The following PCDH9 variants were observed in gnomAD, a reference collection of about 807,000 sequenced individuals.
PCDH9 encodes the protein protocadherin 9.
Under a neutral mutation model 70.6 loss-of-function variants are expected in PCDH9, and 24 were observed. That is an observed-to-expected ratio of 0.34 (90% confidence interval 0.25 to 0.48). PCDH9 has a LOEUF of 0.48. Ranked by LOEUF, PCDH9 falls within the 20% of genes least tolerant of loss-of-function variation. PCDH9 has a pLI of 0.99. For missense variants in PCDH9, 1,281 were observed against 1,503.6 expected, an observed-to-expected ratio of 0.85 and a Z score of 2.45; for synonymous variants, 562 against 558.5, an observed-to-expected ratio of 1.01 and a Z score of -0.09.
intron 3 of PCDH9, among the ~76,000 whole-genome samples, chr13:66,799,261 T>C (rs1254039043): frequency 1.3e-5 from 2 of 152,170 alleles, no homozygotes; most frequent in South Asian, 4.1e-4. Context: ...AGATAGTCTA[T>C]GCGGTCAAGT....
intron 2 of PCDH9, among the ~76,000 whole-genome samples, chr13:67,077,566 C>T (rs560530299): frequency 6.6e-5 from 10 of 152,136 alleles, no homozygotes; most frequent in African/African-American, 2.4e-4. Context: ...CTTTGTATCA[C>T]TGATGTTTAG....
chr13:66,622,550 C>G (rs1312812209), intron 4 of PCDH9, among the ~76,000 whole-genome samples: 1 of 152,082 alleles, frequency 6.6e-6, no homozygotes, highest in African/African-American at 2.4e-5. Context: ...TGTGAATGCA[C>G]CAATCCACAC....
intron 4 of PCDH9, among the ~76,000 whole-genome samples, chr13:66,585,248 T>C (rs907297904): frequency 3.3e-5 from 5 of 152,164 alleles, no homozygotes; most frequent in African/African-American, 9.6e-5. Context: ...ATTTCCTGTA[T>C]GAGACACATA....
In PCDH9 at chr13:66,305,068, G is replaced by A. The variant is rs370825314; in HGVS notation, c.3341-40C>T. ...AGAGAGAAAATAAGAAAAGGAAGTGGTTAAAATTTTCAATTAGAATTATCT... is the reference window on the plus strand; with the variant it reads ...AGAGAGAAAATAAGAAAAGGAAGTGATTAAAATTTTCAATTAGAATTATCT... On this transcript the variant is annotated intron_variant, in intron 4 of 4. Transcript: ENST00000377865. 1.4e-5 allele frequency: 21 copies of A among 1,518,788 alleles called. No individual in the cohort carries two copies. In the African/African-American group the frequency reaches 2.6e-4, roughly 19 times the overall value. The allele number at this position is 1,518,788 out of a possible 1,614,324, so 94.1% of individuals were successfully genotyped here. A position where few individuals can be genotyped will look rare whatever the true frequency, so the allele number is the denominator to read the frequency against.
intron 3 of PCDH9, among the ~76,000 whole-genome samples, chr13:66,847,582 T>A (rs991319603): frequency 7.2e-5 from 11 of 152,184 alleles, no homozygotes; most frequent in Admixed American, 7.2e-4. Flanking sequence ...GCATACTATT[T>A]TTTTCCTTGT....
chr13:66,611,973 C>T (rs939856730), intron 4 of PCDH9, among the ~76,000 whole-genome samples: 1 of 152,190 alleles, frequency 6.6e-6, no homozygotes. Flanking sequence ...ACTACATACA[C>T]TTTTCTTCAG....
chr13:66,340,041 C>T (rs530321060), intron 4 of PCDH9, among the ~76,000 whole-genome samples: 5 of 152,208 alleles, frequency 3.3e-5, no homozygotes, highest in Non-Finnish European at 1.5e-5. Context: ...GAATGATAAA[C>T]ATGAGGTTTC....
intron 2 of PCDH9, among the ~76,000 whole-genome samples, chr13:66,973,883 T>C (rs2083568056): frequency 6.6e-6 from 1 of 152,016 alleles, no homozygotes; most frequent in Admixed American, 6.6e-5. Flanking sequence ...TGTTTACTTT[T>C]GCACACTGTC....
At chr13:66,677,278 A>G (rs2139051263) in intron 3 of PCDH9, among the ~76,000 whole-genome samples, 1 of 152,330 alleles carries the variant, frequency 6.6e-6, no homozygotes, top group African/African-American at 2.4e-5. Context: ...CTAAGTTAAC[A>G]TATAAAAAGC....
intron 3 of PCDH9, among the ~76,000 whole-genome samples, chr13:66,821,466 G>C (rs1277647122): frequency 2.0e-5 from 3 of 152,146 alleles, no homozygotes; most frequent in Non-Finnish European, 4.4e-5. Flanking sequence ...AAACTCATAA[G>C]AGTCATACTT....
intron 3 of PCDH9, among the ~76,000 whole-genome samples, chr13:66,768,894 G>T (rs1198789237): frequency 3.3e-5 from 5 of 151,940 alleles, no homozygotes; most frequent in Non-Finnish European, 4.4e-5. Flanking sequence ...AGGTAAATCA[G>T]ATAGTGCAAA....
intron 3 of PCDH9, among the ~76,000 whole-genome samples, chr13:66,740,320 C>A (rs2079239250): frequency 1.0e-5 from 1 of 98,854 alleles, no homozygotes; most frequent in Admixed American, 1.2e-4. Flanking sequence ...ATACCAGAAT[C>A]TCTGGGACGC....
chr13:66,577,566 C>T (rs1229665981), intron 4 of PCDH9, among the ~76,000 whole-genome samples: 1 of 151,810 alleles, frequency 6.6e-6, no homozygotes, highest in Non-Finnish European at 1.5e-5. Context: ...AGTCAGTAGC[C>T]CAGAAATACA....
chr13:66,980,906 A>C (rs538749479), intron 2 of PCDH9, among the ~76,000 whole-genome samples: 2 of 152,114 alleles, frequency 1.3e-5, no homozygotes, highest in Admixed American at 1.3e-4. Context: ...GTAAACAAAA[A>C]ATAGATAAAA....
At chr13:66,903,031 T>A (rs999952655) in intron 3 of PCDH9, among the ~76,000 whole-genome samples, 4 of 150,538 alleles carry the variant, frequency 2.7e-5, no homozygotes, top group Non-Finnish European at 4.5e-5. Context: ...TATAAAGTAG[T>A]AAAAAAAAAG....
At chr13:67,081,534 C>A (rs991811804) in intron 2 of PCDH9, among the ~76,000 whole-genome samples, 14 of 152,178 alleles carry the variant, frequency 9.2e-5, no homozygotes, top group Admixed American at 9.2e-4. Flanking sequence ...TGCCACTGCA[C>A]TCCAGCTGGG....
At chr13:66,762,600 G>A (rs938209767) in intron 3 of PCDH9, among the ~76,000 whole-genome samples, 1 of 151,928 alleles carries the variant, frequency 6.6e-6, no homozygotes, top group African/African-American at 2.4e-5. Flanking sequence ...ACGAGGCACT[G>A]TAATCTCCCA....
chr13:66,507,242 T>C (rs1959233918), intron 4 of PCDH9, among the ~76,000 whole-genome samples: 1 of 152,192 alleles, frequency 6.6e-6, no homozygotes, highest in East Asian at 1.9e-4. Flanking sequence ...TGAAATTAAA[T>C]ATTCATTCAC....
At chr13:67,045,119 A>C (rs2085197712) in intron 2 of PCDH9, among the ~76,000 whole-genome samples, 1 of 152,112 alleles carries the variant, frequency 6.6e-6, no homozygotes, top group Non-Finnish European at 1.5e-5. Context: ...GCTCTCCAAG[A>C]GGCAGGCTCA....
Sources: allele counts gnomAD v4.1 joint callset (sites outside exome capture counted in the v4.1 genomes callset), GRCh38; gene constraint gnomAD v4.1.1; transcripts MANE v1.5; gene names NCBI Gene and HGNC (gene_info 2026-07-23, HGNC 2026-07-21).